UNC45B: variants seen among roughly 807,000 people sequenced by gnomAD.
The protein encoded by UNC45B is protein unc-45 homolog B.
UNC45B carries 78 observed loss-of-function variants against 98.7 expected under a neutral mutation model. That is an observed-to-expected ratio of 0.79 (90% CI 0.66 to 0.95). The LOEUF (loss-of-function observed/expected upper bound fraction) is 0.95, where lower values mean the gene tolerates loss of function less well. Ranked by LOEUF, UNC45B falls within the 40% of genes least tolerant of loss-of-function variation. UNC45B has a pLI of 0.00. For synonymous variants in UNC45B, 462 were observed against 480.4 expected, an observed-to-expected ratio of 0.96 and a Z score of 0.50; for missense variants, 1,225 against 1,184.9, an observed-to-expected ratio of 1.03 and a Z score of -0.50.
intron 1 of UNC45B, 75 bp downstream of exon 1, chr17:35,147,985 A>G (rs2091985840): frequency 4.5e-6 from 2 of 443,114 alleles, no homozygotes; most frequent in Non-Finnish European, 8.2e-6. Flanking sequence ...ATGAGAGTTC[A>G]GGCCTTTGGC....
Position 35,175,993 on chromosome 17 carries a change from C to A in UNC45B, c.1984C>A (p.Pro662Thr), listed in dbSNP as rs1347173390. ...GGTATTCCTGGCACTGTGTGACAAC[C>A]CAAAGGACCGAGGCACCATTGTGGC... is the stretch of plus-strand genomic sequence containing the variant. The part of the protein sequence containing the change: ...ARVFLALCDN[P>T]KDRGTIVAQG... The change falls in exon 15 of 20, where the codon CCA (proline) becomes ACA (threonine). Residue 662 changes from proline to threonine, a missense_variant. Coordinates refer to ENST00000394570, the MANE Select transcript of UNC45B (RefSeq NM_001267052.2). 2.2e-5 allele frequency: 36 copies of A among 1,613,976 alleles called. No individual in the cohort carries two copies. The highest frequency in any genetic ancestry group is 8.3e-5 in the Admixed American group (5 of 59,988).
intron 9 of UNC45B, among the ~76,000 whole-genome samples, chr17:35,165,131 C>T (rs909167591): frequency 7.2e-5 from 11 of 152,098 alleles, no homozygotes; most frequent in African/African-American, 2.7e-4. Flanking sequence ...CCCAAAGTGC[C>T]GGGATTACAG....
intron 15 of UNC45B, 31 bp from the exon 16 acceptor site, chr17:35,176,986 G>A: frequency 6.3e-7 from 1 of 1,575,224 alleles, no homozygotes; most frequent in Non-Finnish European, 8.7e-7. Flanking sequence ...GGATGTCTGT[G>A]ACTAAGTAGT....
At chr17:35,148,006 C>T (rs2142521393) in intron 1 of UNC45B, 96 bp downstream of exon 1, 1 of 488,926 alleles carries the variant, frequency 2.0e-6, no homozygotes, top group Non-Finnish European at 3.7e-6. Context: ...ACAAACTAAG[C>T]AGCTTCGCCT....
intron 9 of UNC45B, among the ~76,000 whole-genome samples, chr17:35,167,615 CAAA>C (rs79485102): frequency 1.7e-5 from 2 of 119,164 alleles, no homozygotes; most frequent in Admixed American, 8.8e-5. Flanking sequence ...GACTCAGTCT[CAAA>C]AAAAAAAAAA....
At chr17:35,171,910 TCCC>T (rs1390919282) in intron 13 of UNC45B, among the ~76,000 whole-genome samples, 1 of 152,118 alleles carries the variant, frequency 6.6e-6, no homozygotes, top group East Asian at 1.9e-4. Flanking sequence ...CTCCAACAAT[TCCC>T]TGCACATGAA....
In UNC45B at chr17:35,168,183, T is replaced by A; in HGVS notation, c.1274T>A (p.Met425Lys). 3 of 1,606,682 alleles carry A rather than the reference T, an allele frequency of 1.9e-6. No homozygotes were observed. The highest frequency in any genetic ancestry group is 2.6e-6 in the Non-Finnish European group (3 of 1,176,240). ...QLLGLKGVME[M>K]MVALCGSERE... ...CTGGGACTGAAAGGTGTGATGGAGA[T>A]GATGGTGGCACTATGTGGCTCAGAG... The change falls in exon 10 of 20, where the codon ATG (methionine) becomes AAG (lysine). Residue 425 changes from methionine (M) to lysine (K), a missense_variant. Physicochemically the swap from Met to Lys is moderately conservative, Grantham distance 95. Coordinates refer to ENST00000394570, the MANE Select transcript of UNC45B (RefSeq NM_001267052.2).
intron 19 of UNC45B, 59 bp downstream of exon 19, chr17:35,183,641 A>C: frequency 7.0e-7 from 1 of 1,428,324 alleles, no homozygotes; most frequent in Non-Finnish European, 9.2e-7. Flanking sequence ...CTCCCCACCC[A>C]CAGACCACAC....
In UNC45B at chr17:35,177,603, A is replaced by C; in HGVS notation, c.2248A>C (p.Lys750Gln). ...CACCAACCTGTCTGGGCGGAGTGAC[A>C]AACTCCGGTGAGTGTGGTGAGTGTG... ...GLTNLSGRSD[K>Q]LRQKIFKERA... Residue 750 changes from lysine (K) to glutamine (Q), a missense_variant, in exon 17 of 20, where the codon AAA becomes CAA. Transcript: ENST00000394570. 1 of 1,552,444 alleles carries C rather than the reference A, an allele frequency of 6.4e-7. No homozygotes were observed. Among genetic ancestry groups the C allele is most frequent in the Non-Finnish European group, 8.7e-7 (1 of 1,146,802 alleles).
chr17:35,163,209 A>G lies in UNC45B; in HGVS notation c.980-786A>G, dbSNP rs1286993960. ...AGTAAGTGCTCAGAATAAATTGCAG[A>G]TCTTATTTTGTTGAAGTGAATCACC... On this transcript the variant is annotated intron_variant, in intron 8 of 19. Transcript: ENST00000394570. 2.6e-5 allele frequency among the ~76,000 whole-genome samples: 4 copies of G among 152,348 alleles called. No individual in the cohort carries two copies. In the East Asian group the frequency reaches 5.8e-4, roughly 22 times the overall value.
rs2092197007 is a variant in UNC45B at position 35,172,740 on chromosome 17, C to T, written c.1830+1278C>T. On this transcript the variant is annotated intron_variant, in intron 13 of 19. Transcript: ENST00000394570. ...GGGTTGACTTTGGGTTTCCAGCAAA[C>T]CCAATCCATTGTTATGGCGGCTTCA... Among the ~76,000 whole-genome samples, 4 of 152,314 alleles carry T rather than the reference C, an allele frequency of 2.6e-5. No individual in the cohort carries two copies. The South Asian group carries it at 6.2e-4, about 24-fold the overall frequency.
rs201309966 is a variant in UNC45B at position 35,177,585 on chromosome 17, C to A, written c.2230C>A (p.Leu744Met). 1.3e-6 allele frequency: 2 copies of A among 1,556,804 alleles called. No homozygotes were observed. The highest frequency in any genetic ancestry group is 1.7e-6 in the Non-Finnish European group (2 of 1,149,508). The change falls in exon 17 of 20, where the codon CTG (leucine) becomes ATG (methionine). Residue 744 changes from leucine to methionine, a missense_variant. Transcript: ENST00000394570. Reference protein sequence around the residue: ...NYEALLGLTNLSGRSDKLRQK... With the variant: ...NYEALLGLTNMSGRSDKLRQK... ...TGAGGCTCTCCTAGGCCTCACCAAC[C>A]TGTCTGGGCGGAGTGACAAACTCCG...
intron 10 of UNC45B, among the ~76,000 whole-genome samples, 157 bp downstream of exon 10, chr17:35,168,518 C>G (rs1273786649): frequency 1.3e-5 from 2 of 152,096 alleles, no homozygotes; most frequent in African/African-American, 4.8e-5. Flanking sequence ...AGGGCAATAT[C>G]CAGGGGGCTT....
chr17:35,175,005 G>A (rs539881596), intron 14 of UNC45B, among the ~76,000 whole-genome samples: 77 of 137,316 alleles, frequency 5.6e-4, no homozygotes, highest in African/African-American at 2.1e-3. Context: ...AAGGAGGGAA[G>A]AAAGAAAGGA....
At chr17:35,175,510 G>T (rs949107302) in intron 14 of UNC45B, among the ~76,000 whole-genome samples, 1 of 152,152 alleles carries the variant, frequency 6.6e-6, no homozygotes, top group African/African-American at 2.4e-5. Flanking sequence ...GAGAGGGAAG[G>T]TTCCAGGCAG....
intron 4 of UNC45B, among the ~76,000 whole-genome samples, chr17:35,150,607 G>A (rs188225500): frequency 2.3e-4 from 35 of 152,214 alleles, no homozygotes; most frequent in African/African-American, 3.9e-4. Context: ...AAAAATAGCC[G>A]GATGTGGTGG....
intron 3 of UNC45B, 39 bp from the exon 4 acceptor site, chr17:35,150,009 G>T: frequency 1.3e-6 from 2 of 1,539,024 alleles, no homozygotes; most frequent in African/African-American, 2.7e-5. Flanking sequence ...TCTGTAGTCT[G>T]GCTCCCTAAG....
At position 35,183,451 on chromosome 17, in the gene UNC45B, G is replaced by C. The variant is rs142387062; in HGVS notation, c.2398G>C (p.Gly800Arg). 430 of 1,596,182 alleles carry C rather than the reference G, an allele frequency of 2.7e-4. 4 individuals carry two copies. The East Asian group carries it at 9.7e-3, about 36-fold the overall frequency. ...GGTACAGGAAAGGTTCTTGGCTGAC[G>C]GGAATGACCGGCTGAAGCTGGTGGT... is the stretch of plus-strand genomic sequence containing the variant. ...KEVQERFLAD[G>R]NDRLKLVVLL... Residue 800 changes from glycine (G) to arginine (R), a missense_variant, in exon 19 of 20, where the codon GGG becomes CGG. Coordinates refer to ENST00000394570, the MANE Select transcript of UNC45B (RefSeq NM_001267052.2).
At position 35,188,585 on chromosome 17, in the gene UNC45B, T is replaced by G. The variant is rs2142624458; in HGVS notation, c.*2026T>G. 1 of 152,020 alleles carries G rather than the reference T, an allele frequency of 6.6e-6. No homozygotes were observed. The highest frequency in any genetic ancestry group is 2.4e-5 in the African/African-American group (1 of 41,478). The allele number at this position is 152,020 out of a possible 1,614,324, so 9.4% of individuals were successfully genotyped here. ...GTCTCCTGGGCTCAAGTGATCTTTC[T>G]ACTTCAGCCTCCTCAATAGCTGGGA... On this transcript the variant is annotated 3_prime_UTR_variant, in exon 20 of 20. Coordinates refer to ENST00000394570, the MANE Select transcript of UNC45B (RefSeq NM_001267052.2).
Sources: gnomAD v4.1 joint callset for allele counts (sites outside exome capture counted in the v4.1 genomes callset) on GRCh38, gnomAD v4.1.1 for gene constraint, MANE v1.5 for transcripts, NCBI Gene and HGNC (gene_info 2026-07-23, HGNC 2026-07-21) for gene names.